ADGRF5: variants seen among roughly 807,000 people sequenced by gnomAD.
The protein encoded by ADGRF5 is adhesion G protein-coupled receptor F5.
Under a neutral mutation model 132.3 loss-of-function variants are expected in ADGRF5, and 75 were observed. The ratio of observed to expected loss-of-function variants is 0.57; its 90% confidence interval spans 0.47 to 0.69. The LOEUF is 0.69. Ranked by LOEUF, ADGRF5 falls within the 30% of genes least tolerant of loss-of-function variation. The pLI is 0.00. For missense variants in ADGRF5, 1,516 were observed against 1,630.6 expected (o/e 0.93, Z 1.21); for synonymous variants, 629 against 597.6 (o/e 1.05, Z -0.77).
At chr6:46,940,354 G>C (rs1778000762) in intron 1 of ADGRF5, among the ~76,000 whole-genome samples, 1 of 152,050 alleles carries the variant, frequency 6.6e-6, no homozygotes, top group South Asian at 2.1e-4. Flanking sequence ...GCTTTTTGTT[G>C]GATTCTGGTA....
intron 1 of ADGRF5, among the ~76,000 whole-genome samples, chr6:46,920,224 G>T (rs752965761): frequency 7.9e-5 from 12 of 152,084 alleles, no homozygotes; most frequent in Admixed American, 2.0e-4. Context: ...GGCAAATCTA[G>T]AATTTAATCC....
At chr6:46,909,835 G>GTT (rs796090300) in intron 1 of ADGRF5, among the ~76,000 whole-genome samples, 145 of 145,984 alleles carry the variant, frequency 9.9e-4, no homozygotes, top group African/African-American at 3.5e-3. Flanking sequence ...AAACAAAAAA[G>GTT]TTTTTTTTTT....
chr6:46,919,349 G>T (rs1321188139), intron 1 of ADGRF5, among the ~76,000 whole-genome samples: 1 of 152,168 alleles, frequency 6.6e-6, no homozygotes, highest in African/African-American at 2.4e-5. Context: ...TCCTGTTTTT[G>T]TATTCCATTA....
At chr6:46,936,924 G>A (rs984852919) in intron 1 of ADGRF5, among the ~76,000 whole-genome samples, 4 of 152,130 alleles carry the variant, frequency 2.6e-5, no homozygotes, top group South Asian at 2.1e-4. Flanking sequence ...ACAGATCCTG[G>A]GGGATCCCCC....
intron 10 of ADGRF5, among the ~76,000 whole-genome samples, chr6:46,876,136 G>C (rs905071330): frequency 3.3e-5 from 5 of 152,236 alleles, no homozygotes; most frequent in African/African-American, 1.2e-4. Flanking sequence ...ATTTGGAGAA[G>C]AGAGCTGCAG....
intron 1 of ADGRF5, among the ~76,000 whole-genome samples, chr6:46,919,478 A>ATT (rs1776709069): frequency 6.6e-6 from 1 of 152,238 alleles, no homozygotes; most frequent in Non-Finnish European, 1.5e-5. Flanking sequence ...ATTTAGGAGG[A>ATT]GACAGATTAG....
chr6:46,859,319 G>A lies in ADGRF5; in HGVS notation c.2584C>T (p.His862Tyr). The A allele has an allele frequency of 3.1e-6, 5 of 1,613,794 alleles. No homozygotes were observed. The highest frequency in any genetic ancestry group is 4.2e-6 in the Non-Finnish European group (5 of 1,179,720). Residue 862 changes from histidine (H) to tyrosine (Y), a missense_variant, in exon 17 of 21, where the codon CAC (histidine) becomes TAC (tyrosine). Coordinates refer to ENST00000283296, the MANE Select transcript of ADGRF5 (RefSeq NM_001098518.2). Reference sequence around the variant, plus strand: ...AACCTCTGTTGATAGGTTTCTGGGTGGCTGGACTTGATTACCATGCTGCTC... The same window carrying A: ...AACCTCTGTTGATAGGTTTCTGGGTAGCTGGACTTGATTACCATGCTGCTC... ...QMSSMVIKSS[H>Y]PETYQQRFVF...
At position 46,883,966 on chromosome 6, in the gene ADGRF5, T is replaced by A. The variant is rs551533504; in HGVS notation, c.505+129A>T. The A allele has an allele frequency of 1.1e-4, 88 of 824,166 alleles. No homozygotes were observed. The South Asian group carries it at 1.4e-3, about 13-fold the overall frequency. 51.1% of individuals were successfully genotyped at this position (824,166 alleles called of 1,614,324 possible). ...CATGTTGGCCAGGCTGCTGTCAAAG[T>A]CCTGACCACAGGTGATCCATCCACA... On this transcript the variant is annotated intron_variant, in intron 5 of 20. Transcript: ENST00000283296.
rs942855919 is a variant in ADGRF5, at chr6:46,953,690, T to C, written c.-25+1044A>G. Among the ~76,000 whole-genome samples the C allele has an allele frequency of 4.4e-5, 6 of 135,868 alleles. No individual in the cohort carries two copies. In the Admixed American group the frequency reaches 4.5e-4, roughly 10 times the overall value. 89.1% of individuals were successfully genotyped at this position (135,868 alleles called of 152,430 possible). On this transcript the variant is annotated intron_variant, in intron 1 of 20. Coordinates refer to the ADGRF5 transcript ENST00000265417. Reference sequence around the variant, plus strand: ...ATATATATATATATATATATATATATCTCACTGACAGTGGCATTATTAGAA... The same window carrying C: ...ATATATATATATATATATATATATACCTCACTGACAGTGGCATTATTAGAA...
intron 13 of ADGRF5, among the ~76,000 whole-genome samples, chr6:46,866,102 T>TG (rs1338141645): frequency 1.3e-5 from 2 of 152,178 alleles, no homozygotes; most frequent in South Asian, 4.1e-4. Context: ...CTTTGATTTT[T>TG]TTTTCTTTTT....
intron 1 of ADGRF5, among the ~76,000 whole-genome samples, chr6:46,949,173 C>T (rs1166036710): frequency 1.3e-5 from 2 of 152,146 alleles, no homozygotes; most frequent in Non-Finnish European, 2.9e-5. Flanking sequence ...GGTCTGAAAA[C>T]ATATAGCATT....
intron 11 of ADGRF5, among the ~76,000 whole-genome samples, chr6:46,870,370 G>T (rs1473144122): frequency 6.6e-6 from 1 of 151,790 alleles, no homozygotes; most frequent in African/African-American, 2.4e-5. Context: ...ATGTTGCTGG[G>T]GCTAGTCTGA....
chr6:46,856,420 G>A (rs1215678377), intron 19 of ADGRF5, among the ~76,000 whole-genome samples: 1 of 152,062 alleles, frequency 6.6e-6, no homozygotes, highest in South Asian at 2.1e-4. Context: ...CTCATTGAAC[G>A]TTTGATTTCA....
chr6:46,929,521 A>T (rs202062705), intron 1 of ADGRF5, among the ~76,000 whole-genome samples: 1 of 84,474 alleles, frequency 1.2e-5, no homozygotes, highest in African/African-American at 4.3e-5. Flanking sequence ...AAAATAAAAA[A>T]AAGAAAGTAA....
At chr6:46,860,595 G>T in intron 16 of ADGRF5, 120 bp downstream of exon 16, 1 of 656,940 alleles carries the variant, frequency 1.5e-6, no homozygotes. Flanking sequence ...GAACTATCCT[G>T]AGCACTGCTC....
At chr6:46,939,951 A>T (rs1283807071) in intron 1 of ADGRF5, among the ~76,000 whole-genome samples, 1 of 152,200 alleles carries the variant, frequency 6.6e-6, no homozygotes, top group African/African-American at 2.4e-5. Flanking sequence ...TGTGATTTTC[A>T]ATTACAGTTG....
In ADGRF5 at chr6:46,910,933, T is replaced by C. The variant is rs1038294064; in HGVS notation, c.-24-4147A>G. On this transcript the variant is annotated intron_variant, in intron 1 of 20. Transcript: ENST00000283296. Reference sequence around the variant, plus strand: ...TGGTCTCTTGAAGTCCTGTTACTATTTTAAGAGTCTAAAATTCTTCACAGT... The same window carrying C: ...TGGTCTCTTGAAGTCCTGTTACTATCTTAAGAGTCTAAAATTCTTCACAGT... Among the ~76,000 whole-genome samples the C allele has an allele frequency of 6.6e-5, 10 of 152,288 alleles. No individual in the cohort carries two copies. The East Asian group carries it at 1.2e-3, about 18-fold the overall frequency.
At chr6:46,871,211 T>C (rs9463254) in intron 11 of ADGRF5, among the ~76,000 whole-genome samples, 6,293 of 152,256 alleles carry the variant, frequency 0.041, 448 homozygotes, top group African/African-American at 0.14. Context: ...TTGAATGTCC[T>C]CTTTTTACAC....
chr6:46,906,291 C>T (rs1456182835), intron 2 of ADGRF5, among the ~76,000 whole-genome samples: 1 of 152,210 alleles, frequency 6.6e-6, no homozygotes, highest in East Asian at 1.9e-4. Context: ...ATACATTCTG[C>T]TCAATCCTTC....
Sources: allele counts gnomAD v4.1 joint callset (sites outside exome capture counted in the v4.1 genomes callset), GRCh38; gene constraint gnomAD v4.1.1; transcripts MANE v1.5; gene names NCBI Gene and HGNC (gene_info 2026-07-23, HGNC 2026-07-21).